The following ITGA4 variants were observed in gnomAD, a reference collection of about 807,000 sequenced individuals.
ITGA4 encodes the protein integrin subunit alpha 4.
In ITGA4, 63 loss-of-function variants were observed where a neutral mutation model predicts 133.6. The observed-to-expected ratio is 0.47, with a 90% CI of 0.38 to 0.58. ITGA4 has a LOEUF of 0.58. ITGA4 is among the 20% of genes least tolerant of loss of function. The pLI is 0.00. For missense variants in ITGA4, 1,076 were observed against 1,252.7 expected, an observed-to-expected ratio of 0.86 and a Z score of 2.13; for synonymous variants, 483 against 438.0, an observed-to-expected ratio of 1.10 and a Z score of -1.28.
At chr2:181,468,095 G>A (rs1349252751) in intron 2 of ITGA4, among the ~76,000 whole-genome samples, 3 of 152,164 alleles carry the variant, frequency 2.0e-5, no homozygotes, top group Non-Finnish European at 4.4e-5. Flanking sequence ...TGTCATCCAA[G>A]CACGTCACAC....
At chr2:181,474,180 C>T (rs1685620979) in intron 2 of ITGA4, among the ~76,000 whole-genome samples, 2 of 152,156 alleles carry the variant, frequency 1.3e-5, no homozygotes, top group Admixed American at 6.5e-5. Context: ...AGGAACCCAG[C>T]TATAACACAA....
chr2:181,472,270 A>AT (rs557832280), intron 2 of ITGA4, among the ~76,000 whole-genome samples: 88 of 152,202 alleles, frequency 5.8e-4, no homozygotes, highest in Non-Finnish European at 1.0e-3. Flanking sequence ...ACAATACACT[A>AT]TTTTTGCACA....
chr2:181,496,355 G>A (rs561271054), intron 14 of ITGA4, among the ~76,000 whole-genome samples: 6 of 152,138 alleles, frequency 3.9e-5, no homozygotes, highest in African/African-American at 1.4e-4. Flanking sequence ...AGCCCAGGAG[G>A]TCCAGGCTAC....
intron 27 of ITGA4, 53 bp downstream of exon 27, chr2:181,534,988 A>G: frequency 6.6e-7 from 1 of 1,507,996 alleles, no homozygotes; most frequent in Non-Finnish European, 8.8e-7. Flanking sequence ...CATTTTCTCA[A>G]AGCCAATTTG....
At chr2:181,514,378 G>T (rs1323343411) in intron 17 of ITGA4, among the ~76,000 whole-genome samples, 1 of 152,026 alleles carries the variant, frequency 6.6e-6, no homozygotes, top group Admixed American at 6.6e-5. Context: ...TTTTCACTTA[G>T]GCAATGTCAG....
chr2:181,479,278 T>C (rs916411541), intron 5 of ITGA4: 16 of 152,054 alleles, frequency 1.1e-4, no homozygotes, highest in African/African-American at 3.6e-4. Context: ...ATTCCCAAGA[T>C]TTCTTACTCT....
chr2:181,497,477 A>G (rs954538095), intron 14 of ITGA4, among the ~76,000 whole-genome samples: 1 of 152,124 alleles, frequency 6.6e-6, no homozygotes, highest in Non-Finnish European at 1.5e-5. Context: ...AGACAGCTAT[A>G]TCAATTGCAG....
At position 181,457,699 on chromosome 2, in the gene ITGA4, C is replaced by A. The variant is rs201902294; in HGVS notation, c.45C>A (p.Ala15=). The A allele has an allele frequency of 1.4e-5, 23 of 1,611,950 alleles. No individual in the cohort carries two copies. The highest frequency in any genetic ancestry group is 8.3e-5 in the Admixed American group (5 of 59,888). ...GCGAACCCGGCCCCCGAAGGGCCGC[C>A]GTCCGGGAGACGGTGATGCTGTTGC... ...ARREPGPRRA[A]VRETVMLLLC... The change falls in exon 1 of 28, where the codon GCC becomes GCA. Residue 15 remains alanine, a synonymous_variant. Coordinates refer to ENST00000397033, the MANE Select transcript of ITGA4 (RefSeq NM_000885.6).
chr2:181,475,874 G>T, intron 4 of ITGA4: 1 of 1,594,934 alleles, frequency 6.3e-7, no homozygotes, highest in Non-Finnish European at 8.5e-7. Flanking sequence ...GAATTGGGGT[G>T]AATGTCAACA....
chr2:181,491,631 G>C (rs1475204923), intron 10 of ITGA4, among the ~76,000 whole-genome samples: 2 of 152,116 alleles, frequency 1.3e-5, no homozygotes, highest in African/African-American at 4.8e-5. Flanking sequence ...TCAATATATA[G>C]GAAATTCTAG....
chr2:181,457,589 C>A lies in ITGA4; in HGVS notation c.-66C>A, dbSNP rs190497. On this transcript the variant is annotated 5_prime_UTR_variant, in exon 1 of 28. Transcript: ENST00000397033. ...TGGGGCGTTCTTCCCCGTTGGCCAA[C>A]CGTCGCATCCCGTGCAACTTTGGGG... 6.9e-7 allele frequency: 1 copy of A among 1,456,278 alleles called. No homozygotes were observed. Among genetic ancestry groups the A allele is most frequent in the Admixed American group, 2.1e-5 (1 of 48,444 alleles). 90.2% of individuals were successfully genotyped at this position (1,456,278 alleles called of 1,614,324 possible). A position where few individuals can be genotyped will look rare whatever the true frequency, so the allele number is the denominator to read the frequency against.
At chr2:181,466,629 CATT>C (rs1361131594) in intron 2 of ITGA4, among the ~76,000 whole-genome samples, 3 of 152,062 alleles carry the variant, frequency 2.0e-5, no homozygotes, top group African/African-American at 7.2e-5. Context: ...TCATAAACAT[CATT>C]ATCTTTTAGA....
At chr2:181,463,114 G>A (rs1260507100) in intron 2 of ITGA4, among the ~76,000 whole-genome samples, 1 of 152,164 alleles carries the variant, frequency 6.6e-6, no homozygotes, top group Non-Finnish European at 1.5e-5. Context: ...AGAGGAAGAG[G>A]CTATGGAAAA....
chr2:181,515,813 G>T (rs1686592626), intron 17 of ITGA4, among the ~76,000 whole-genome samples: 1 of 152,038 alleles, frequency 6.6e-6, no homozygotes, highest in South Asian at 2.1e-4. Flanking sequence ...CTCAGAAACA[G>T]TAGGCGAATT....
At chr2:181,487,723 C>T (rs1685952366) in intron 10 of ITGA4, among the ~76,000 whole-genome samples, 1 of 152,070 alleles carries the variant, frequency 6.6e-6, no homozygotes, top group Admixed American at 6.5e-5. Context: ...TGTACCATAC[C>T]AGGTACAGAA....
At chr2:181,534,774 T>A (rs1687020646) in intron 26 of ITGA4, 42 bp from the exon 27 acceptor site, 1 of 1,533,402 alleles carries the variant, frequency 6.5e-7, no homozygotes, top group Non-Finnish European at 8.8e-7. Context: ...AAACTGATTT[T>A]TTTTTTTGGT....
In ITGA4 at chr2:181,458,308, C is replaced by G; in HGVS notation, c.310C>G (p.Leu104Val). Residue 104 changes from leucine (L) to valine (V), a missense_variant, in exon 2 of 28, where the codon CTC becomes GTC. Leu to Val is a conservative substitution (Grantham distance 32, BLOSUM62 1). Coordinates refer to ENST00000397033, the MANE Select transcript of ITGA4 (RefSeq NM_000885.6). ...GKNPGQTCEQ[L>V]QLGSPNGEPC... ...GAATCCCGGCCAGACGTGCGAACAG[C>G]TCCAGCTGGGTGAGTTGGGTATGGG... The G allele has an allele frequency of 6.2e-7, 1 of 1,611,482 alleles. No homozygotes were observed. The highest frequency in any genetic ancestry group is 8.5e-7 in the Non-Finnish European group (1 of 1,178,814).
At chr2:181,475,848 A>G (rs754742996) in intron 4 of ITGA4, 2 of 1,603,538 alleles carry the variant, frequency 1.2e-6, no homozygotes, top group Admixed American at 3.4e-5. Flanking sequence ...GAGCTAGGAC[A>G]TAACAGAAGT....
intron 17 of ITGA4, among the ~76,000 whole-genome samples, chr2:181,514,882 G>A (rs1336411204): frequency 6.6e-6 from 1 of 151,968 alleles, no homozygotes; most frequent in Non-Finnish European, 1.5e-5. Context: ...CAAAATATCT[G>A]CTTTGCATTT....
Sources: allele counts gnomAD v4.1 joint callset (sites outside exome capture counted in the v4.1 genomes callset), GRCh38; gene constraint gnomAD v4.1.1; transcripts MANE v1.5; gene names NCBI Gene and HGNC (gene_info 2026-07-23, HGNC 2026-07-21).